The following LHFPL5 variants were observed in gnomAD, a reference collection of about 807,000 sequenced individuals.
LHFPL5 encodes the protein LHFPL tetraspan subfamily member 5 protein.
LHFPL5 carries 12 observed loss-of-function variants against 18.7 expected under a neutral mutation model. The ratio of observed to expected loss-of-function variants is 0.64; its 90% CI spans 0.41 to 1.04. LHFPL5 has a LOEUF of 1.04. Ranked by LOEUF, LHFPL5 falls within the 50% of genes least tolerant of loss-of-function variation. The pLI, the probability that LHFPL5 is intolerant of heterozygous loss-of-function variation, is 0.00. For synonymous variants in LHFPL5, 111 were observed against 120.2 expected, an observed-to-expected ratio of 0.92 and a Z score of 0.50; for missense variants, 259 against 292.1, an observed-to-expected ratio of 0.89 and a Z score of 0.83.
chr6:35,814,332 A>C lies in LHFPL5; in HGVS notation c.413-214A>C, dbSNP rs1035163684. ...GCTCAGCTCTGCCTCCGCCCCAACTACTGGGTCTCGGGGGCCAGTTGCTTT... is the reference window on the plus strand; with the variant it reads ...GCTCAGCTCTGCCTCCGCCCCAACTCCTGGGTCTCGGGGGCCAGTTGCTTT... On this transcript the variant is annotated intron_variant, in intron 1 of 3. Transcript: ENST00000360215. The surrounding 1 kb of genome is among the most constrained non-coding windows in gnomAD (Gnocchi z 4.2). 2.6e-5 allele frequency among the ~76,000 whole-genome samples: 4 copies of C among 151,192 alleles called. No homozygotes were observed. Among genetic ancestry groups the C allele is most frequent in the African/African-American group, 9.7e-5 (4 of 41,074 alleles).
chr6:35,821,857 A>ATTTTTTTTTTTTTTTTTTTTTTT (rs763639486), intron 3 of LHFPL5, among the ~76,000 whole-genome samples: 4 of 39,138 alleles, frequency 1.0e-4, no homozygotes, highest in African/African-American at 2.6e-4. Flanking sequence ...GTGTACCACA[A>ATTTTTTTTTTTTTTTTTTTTTTT]TTTTTTTTTT....
chr6:35,818,351 A>ATATATATATATATATTTTTTTT (rs1768805129), intron 2 of LHFPL5, among the ~76,000 whole-genome samples: 1 of 106,926 alleles, frequency 9.4e-6, no homozygotes, highest in African/African-American at 3.8e-5. Context: ...ATATATATGT[A>ATATATATATATATATTTTTTTT]TTTTTTTTTT....
At chr6:35,807,864 C>G (rs958117434) in intron 1 of LHFPL5, among the ~76,000 whole-genome samples, 5 of 152,136 alleles carry the variant, frequency 3.3e-5, no homozygotes, top group African/African-American at 1.2e-4. Context: ...GTATAATGAT[C>G]TATGAAATAT....
rs1271294036 is a variant in LHFPL5 at position 35,814,697 on chromosome 6, C to T, written c.564C>T (p.Asp188=). 10 of 1,614,178 alleles carry T rather than the reference C, an allele frequency of 6.2e-6. No individual in the cohort carries two copies. Among genetic ancestry groups the T allele is most frequent in the South Asian group, 2.2e-5 (2 of 91,086 alleles). ...AFMLAILSIG[D]ALILSFLAFV... ...TGCTGGCCATCCTCAGCATTGGCGA[C>T]GCCCTCATCCTCTCCTTCCTGGCCT... Residue 188 remains aspartate (D), a synonymous_variant, in exon 2 of 4, where the codon GAC becomes GAT. Coordinates refer to ENST00000360215, the MANE Select transcript of LHFPL5 (RefSeq NM_182548.4). The surrounding 1 kb of genome is among the most constrained non-coding windows in gnomAD (Gnocchi z 4.2).
intron 3 of LHFPL5, among the ~76,000 whole-genome samples, chr6:35,820,298 C>G (rs1025860533): frequency 1.3e-5 from 2 of 152,108 alleles, no homozygotes; most frequent in Admixed American, 1.3e-4. Context: ...GTAAGTTAAC[C>G]AGTTTTAATG....
At chr6:35,822,310 C>A (rs985863375) in intron 3 of LHFPL5, among the ~76,000 whole-genome samples, 2 of 152,036 alleles carry the variant, frequency 1.3e-5, no homozygotes, top group African/African-American at 4.8e-5. Context: ...AAAGGGCAAC[C>A]ACACCTCTCT....
intron 1 of LHFPL5, chr6:35,811,129 C>T (rs565669913): frequency 2.2e-4 from 33 of 152,308 alleles, no homozygotes; most frequent in African/African-American, 7.5e-4. Flanking sequence ...ATACACACAT[C>T]TCTGCTCACA....
intron 2 of LHFPL5, among the ~76,000 whole-genome samples, chr6:35,817,614 C>T (rs933805900): frequency 7.2e-5 from 11 of 152,174 alleles, no homozygotes; most frequent in African/African-American, 2.7e-4. Context: ...AGATGCTCAA[C>T]ATCATTAGTC....
intron 1 of LHFPL5, among the ~76,000 whole-genome samples, chr6:35,811,599 C>CT (rs1266822478): frequency 6.6e-6 from 1 of 152,176 alleles, no homozygotes; most frequent in Non-Finnish European, 1.5e-5. Flanking sequence ...AGGCCCTGGG[C>CT]TTTTTTCCGG....
intron 1 of LHFPL5, among the ~76,000 whole-genome samples, chr6:35,812,771 A>G (rs1263240951): frequency 6.6e-6 from 1 of 152,164 alleles, no homozygotes; most frequent in Non-Finnish European, 1.5e-5. Flanking sequence ...AAGCTTAAGT[A>G]TGGCTGGGCA....
At chr6:35,818,334 TATATATATATATA>T (rs1272595631) in intron 2 of LHFPL5, among the ~76,000 whole-genome samples, 4 of 6,514 alleles carry the variant, frequency 6.1e-4, no homozygotes, top group African/African-American at 9.5e-4. Context: ...TATATATATA[TATATATATATATA>T]TGTATTTTTT....
chr6:35,819,956 G>C (rs1362397283), intron 3 of LHFPL5: 1 of 183,928 alleles, frequency 5.4e-6, no homozygotes, highest in Non-Finnish European at 1.2e-5. Context: ...TGGGATTACA[G>C]GTGTGAGCCC....
rs768730448 is a variant in LHFPL5 at position 35,805,891 on chromosome 6, C to T, written c.221C>T (p.Ser74Phe). The stretch of plus-strand genomic sequence containing the variant: ...TCCTACTGCGTGGGTAACGTGCTGT[C>T]CTCCGAGCTCATCTGCAAGGGCGGC... ...LFSYCVGNVL[S>F]SELICKGGPL... Residue 74 changes from serine to phenylalanine, a missense_variant, in exon 1 of 4, where the codon TCC (serine) becomes TTC (phenylalanine). Coordinates refer to ENST00000360215, the MANE Select transcript of LHFPL5 (RefSeq NM_182548.4). The surrounding 1 kb of genome is among the most constrained non-coding windows in gnomAD (Gnocchi z 4.3). 14 of 1,614,236 alleles carry T rather than the reference C, an allele frequency of 8.7e-6. No homozygotes were observed. Among genetic ancestry groups the T allele is most frequent in the Non-Finnish European group, 1.0e-5 (12 of 1,180,032 alleles).
intron 1 of LHFPL5, among the ~76,000 whole-genome samples, chr6:35,811,896 A>G (rs1395700232): frequency 6.6e-6 from 1 of 152,198 alleles, no homozygotes; most frequent in Non-Finnish European, 1.5e-5. Flanking sequence ...CGCTAATTAC[A>G]TTCAGCCCCT....
chr6:35,806,185 T>A (rs1320202796), intron 1 of LHFPL5, 103 bp downstream of exon 1: 1 of 1,261,156 alleles, frequency 7.9e-7, no homozygotes, highest in Non-Finnish European at 1.1e-6. Flanking sequence ...TAAATTTAGC[T>A]GTTCTCCTAT....
intron 3 of LHFPL5, 93 bp downstream of exon 3, chr6:35,819,556 G>T: frequency 8.4e-7 from 1 of 1,190,360 alleles, no homozygotes; most frequent in Non-Finnish European, 1.2e-6. Flanking sequence ...AGGACACCAG[G>T]GGCTGGGCTG....
chr6:35,815,096 G>A (rs1476470106), intron 2 of LHFPL5, among the ~76,000 whole-genome samples: 2 of 152,130 alleles, frequency 1.3e-5, no homozygotes, highest in African/African-American at 4.8e-5. Context: ...ACTGAGGCGG[G>A]GTCTCGAAGT....
chr6:35,813,323 G>GC (rs1768701388), intron 1 of LHFPL5, among the ~76,000 whole-genome samples: 1 of 130,592 alleles, frequency 7.7e-6, no homozygotes, highest in Non-Finnish European at 1.5e-5. Flanking sequence ...TCGGCTCACT[G>GC]TAGCTCCGCC....
chr6:35,817,239 T>G (rs1258760716), intron 2 of LHFPL5, among the ~76,000 whole-genome samples: 1 of 151,944 alleles, frequency 6.6e-6, no homozygotes, highest in Non-Finnish European at 1.5e-5. Context: ...GAGAATGGTG[T>G]GAACCTGGGA....
Sources: gnomAD v4.1 joint callset for allele counts (sites outside exome capture counted in the v4.1 genomes callset) on GRCh38, gnomAD v4.1.1 for gene constraint, Gnocchi (gnomAD v3.1) non-coding constraint, MANE v1.5 for transcripts, NCBI Gene and HGNC (gene_info 2026-07-23, HGNC 2026-07-21) for gene names.